SPAG16: variants seen among roughly 807,000 people sequenced by gnomAD.
The protein encoded by SPAG16 is sperm-associated antigen 16 protein.
Under a neutral mutation model 80.4 loss-of-function variants are expected in SPAG16, and 86 were observed. The observed-to-expected ratio is 1.07, with a 90% CI of 0.90 to 1.28. The LOEUF is 1.28. SPAG16 is among the 50% of genes most tolerant of loss of function. The pLI is 0.00. For missense variants in SPAG16, 870 were observed against 765.3 expected (o/e 1.14, Z -1.61); for synonymous variants, 294 against 265.9 (o/e 1.11, Z -1.03).
intron 15 of SPAG16, among the ~76,000 whole-genome samples, chr2:214,336,798 TAAAG>T (rs1041566971): frequency 6.6e-6 from 1 of 150,984 alleles, no homozygotes; most frequent in African/African-American, 2.4e-5. Flanking sequence ...AGCTTTTACT[TAAAG>T]AAAGTAATGT....
At chr2:213,641,952 G>A (rs1170336065) in intron 10 of SPAG16, among the ~76,000 whole-genome samples, 2 of 152,198 alleles carry the variant, frequency 1.3e-5, no homozygotes, top group African/African-American at 2.4e-5. Context: ...AAAACCATCA[G>A]ATGTCATGAT....
chr2:214,153,763 A>G (rs945722924), intron 15 of SPAG16, among the ~76,000 whole-genome samples: 1 of 152,202 alleles, frequency 6.6e-6, no homozygotes, highest in African/African-American at 2.4e-5. Context: ...GTAAAGTTAT[A>G]TGTAATGCGA....
At chr2:214,029,556 T>A (rs982937474) in intron 13 of SPAG16, among the ~76,000 whole-genome samples, 1 of 151,908 alleles carries the variant, frequency 6.6e-6, no homozygotes, top group African/African-American at 2.4e-5. Flanking sequence ...AAGATGACAA[T>A]GGATGGGACC....
intron 10 of SPAG16, among the ~76,000 whole-genome samples, chr2:213,768,795 A>T (rs2069087975): frequency 6.6e-6 from 1 of 152,168 alleles, no homozygotes; most frequent in Non-Finnish European, 1.5e-5. Context: ...AGGCATAAGA[A>T]ATGTATGTCA....
At chr2:214,149,051 GTGTA>G (rs1166169305) in intron 14 of SPAG16, 85 bp from the exon 15 acceptor site, 82 of 313,686 alleles carry the variant, frequency 2.6e-4, no homozygotes, top group Middle Eastern at 9.6e-4. Flanking sequence ...TAGTGTGTGT[GTGTA>G]TATATATATG....
At chr2:213,510,720 G>GTACT (rs2075192336) in intron 10 of SPAG16, among the ~76,000 whole-genome samples, 1 of 152,140 alleles carries the variant, frequency 6.6e-6, no homozygotes, top group African/African-American at 2.4e-5. Context: ...TCTGACAAGT[G>GTACT]TACTTGACCA....
intron 15 of SPAG16, among the ~76,000 whole-genome samples, chr2:214,210,818 T>TAC (rs999477679): frequency 1.5e-4 from 22 of 150,262 alleles, no homozygotes; most frequent in African/African-American, 4.8e-4. Context: ...AGCAAAAAAA[T>TAC]ACACACACAC....
chr2:213,462,957 GA>G (rs1420444690), intron 9 of SPAG16, among the ~76,000 whole-genome samples: 1 of 152,190 alleles, frequency 6.6e-6, no homozygotes, highest in Non-Finnish European at 1.5e-5. Context: ...GGGCTCAGAA[GA>G]AGACACAAAG....
intron 10 of SPAG16, among the ~76,000 whole-genome samples, chr2:213,524,243 A>T (rs1199464183): frequency 6.6e-6 from 1 of 152,230 alleles, no homozygotes; most frequent in Non-Finnish European, 1.5e-5. Context: ...TTGAGCCTGC[A>T]GATGTACAGA....
chr2:214,262,563 C>A (rs1254145253), intron 15 of SPAG16, among the ~76,000 whole-genome samples: 1 of 151,906 alleles, frequency 6.6e-6, no homozygotes, highest in Non-Finnish European at 1.5e-5. Flanking sequence ...TCAAAGTTTT[C>A]TCAGGATGAT....
chr2:214,306,749 C>T lies in SPAG16; in HGVS notation c.1721-103391C>T, dbSNP rs141570326. Reference sequence around the variant, plus strand: ...TGACTTGATCTTGGTGGACAAACTTCCTGATGTGCTGCTAGATTGCCAGTA... The same window carrying T: ...TGACTTGATCTTGGTGGACAAACTTTCTGATGTGCTGCTAGATTGCCAGTA... On this transcript the variant is annotated intron_variant, in intron 15 of 15. Coordinates refer to ENST00000331683, the MANE Select transcript of SPAG16 (RefSeq NM_024532.5). Among the ~76,000 whole-genome samples the T allele has an allele frequency of 1.8e-3, 277 of 152,102 alleles. 2 individuals carry two copies. Among genetic ancestry groups the T allele is most frequent in the African/African-American group, 6.0e-3 (251 of 41,524 alleles).
chr2:213,573,082 C>T (rs1465596130), intron 10 of SPAG16, among the ~76,000 whole-genome samples: 5 of 151,846 alleles, frequency 3.3e-5, no homozygotes, highest in African/African-American at 7.3e-5. Flanking sequence ...GGCAATGCCT[C>T]GCCCTGCTTT....
At chr2:213,928,078 ATCTTC>A (rs2078570301) in intron 11 of SPAG16, among the ~76,000 whole-genome samples, 2 of 151,990 alleles carry the variant, frequency 1.3e-5, no homozygotes, top group Non-Finnish European at 2.9e-5. Flanking sequence ...AATCAATTGG[ATCTTC>A]TCTTCTCTTC....
At chr2:214,272,368 C>A (rs920723153) in intron 15 of SPAG16, among the ~76,000 whole-genome samples, 2 of 152,010 alleles carry the variant, frequency 1.3e-5, no homozygotes, top group Admixed American at 1.3e-4. Context: ...CATAGGTATA[C>A]ATGTGCCATG....
intron 15 of SPAG16, among the ~76,000 whole-genome samples, chr2:214,214,017 G>A (rs1038972572): frequency 1.3e-5 from 2 of 152,030 alleles, no homozygotes; most frequent in South Asian, 2.1e-4. Flanking sequence ...GATAGAACTC[G>A]GGCTCTCTTC....
intron 10 of SPAG16, among the ~76,000 whole-genome samples, chr2:213,717,895 C>T (rs562751672): frequency 6.6e-6 from 1 of 151,990 alleles, no homozygotes. Context: ...CATAAAAACC[C>T]TAGAAGAAAA....
At chr2:213,824,482 A>G (rs1421616892) in intron 10 of SPAG16, among the ~76,000 whole-genome samples, 1 of 152,160 alleles carries the variant, frequency 6.6e-6, no homozygotes, top group Admixed American at 6.5e-5. Flanking sequence ...TCCCAGCACT[A>G]TTTATGGAAG....
chr2:213,751,429 C>T (rs919532796), intron 10 of SPAG16, among the ~76,000 whole-genome samples: 1 of 152,108 alleles, frequency 6.6e-6, no homozygotes, highest in African/African-American at 2.4e-5. Context: ...TTTCTTTAAA[C>T]CAGCTAATCC....
intron 10 of SPAG16, among the ~76,000 whole-genome samples, chr2:213,668,694 G>A (rs1451948432): frequency 6.6e-6 from 1 of 152,164 alleles, no homozygotes. Context: ...GAGTACAATG[G>A]CTGGAGTGCA....
Sources: allele counts gnomAD v4.1 joint callset (sites outside exome capture counted in the v4.1 genomes callset), GRCh38; gene constraint gnomAD v4.1.1; transcripts MANE v1.5; gene names NCBI Gene and HGNC (gene_info 2026-07-23, HGNC 2026-07-21).